Variants in PPARGC1A observed in about 807,000 individuals in gnomAD.
PPARGC1A encodes peroxisome proliferator-activated receptor gamma coactivator 1-alpha.
Under a neutral mutation model 88.7 loss-of-function variants are expected in PPARGC1A, and 25 were observed. The ratio of observed to expected loss-of-function variants is 0.28; its 90% CI spans 0.21 to 0.39. The LOEUF is 0.39. Among genes scored for constraint, PPARGC1A ranks in the 10% least tolerant of loss-of-function variants. The probability of loss-of-function intolerance (pLI) is 1.00; values close to 1 mark genes in which losing one functional copy is unlikely to be tolerated. For missense variants in PPARGC1A, 880 were observed against 968.7 expected (o/e 0.91, Z 1.22); for synonymous variants, 363 against 355.6 (o/e 1.02, Z -0.24).
At chr4:24,306,649 T>A in the PPARGC1A span, among the ~76,000 whole-genome samples, 1 of 152,242 alleles carries the variant, frequency 6.6e-6, no homozygotes, top group Non-Finnish European at 1.5e-5. Flanking sequence ...CAAATCTACA[T>A]TGTAGTACAA....
At chr4:24,181,643 G>A in the PPARGC1A span, among the ~76,000 whole-genome samples, 9 of 152,232 alleles carry the variant, frequency 5.9e-5, no homozygotes, top group African/African-American at 1.2e-4. Context: ...AGGTATGGAC[G>A]AGTGAAGTTA....
the PPARGC1A span, among the ~76,000 whole-genome samples, chr4:24,361,896 C>A: frequency 6.6e-6 from 1 of 152,190 alleles, no homozygotes; most frequent in Non-Finnish European, 1.5e-5. Flanking sequence ...CTGATTGCTT[C>A]CCTAACCTAA....
At chr4:23,820,112 TTTG>T (rs761357375) in intron 7 of PPARGC1A, among the ~76,000 whole-genome samples, 1 of 152,290 alleles carries the variant, frequency 6.6e-6, no homozygotes, top group South Asian at 2.1e-4. Context: ...TAATGAGTAT[TTTG>T]TTGTTGTTTA....
chr4:24,152,043 G>A, the PPARGC1A span, among the ~76,000 whole-genome samples: 1 of 152,334 alleles, frequency 6.6e-6, no homozygotes, highest in East Asian at 1.9e-4. Flanking sequence ...GAAGGAAAGA[G>A]TTGTTTCTCA....
intron 2 of PPARGC1A, among the ~76,000 whole-genome samples, chr4:23,867,251 G>A (rs1712224217): frequency 6.6e-6 from 1 of 152,134 alleles, no homozygotes; most frequent in Non-Finnish European, 1.5e-5. Context: ...AGTTGCCGAA[G>A]TCTGTCTTTC....
At chr4:23,899,217 C>CACCTAACATTTGT (rs1719000245) in intron 1 of PPARGC1A, 2 of 152,318 alleles carry the variant, frequency 1.3e-5, no homozygotes, top group South Asian at 2.1e-4. Context: ...AAACAGGCCA[C>CACCTAACATTTGT]ACCTAACATT....
the PPARGC1A span, among the ~76,000 whole-genome samples, chr4:24,015,973 T>C: frequency 7.9e-5 from 12 of 152,206 alleles, no homozygotes; most frequent in East Asian, 3.9e-4. Flanking sequence ...ATGAGTTCAC[T>C]GGAAGCTGAT....
At chr4:24,054,751 T>C in the PPARGC1A span, among the ~76,000 whole-genome samples, 1 of 152,252 alleles carries the variant, frequency 6.6e-6, no homozygotes, top group Non-Finnish European at 1.5e-5. Flanking sequence ...TGTCAGTACA[T>C]AATTTCTAGG....
At chr4:24,049,261 TAAATACATATATATACAC>T in the PPARGC1A span, among the ~76,000 whole-genome samples, 7 of 144,558 alleles carry the variant, frequency 4.8e-5, no homozygotes, top group African/African-American at 1.5e-4. Context: ...TATATGTATA[TAAATACATATATATACAC>T]ATATATATGT....
chr4:24,370,079 G>C, the PPARGC1A span, among the ~76,000 whole-genome samples: 2 of 152,144 alleles, frequency 1.3e-5, no homozygotes, highest in African/African-American at 2.4e-5. Flanking sequence ...CAAGCTTCAG[G>C]CTCACAGCCT....
chr4:23,864,161 C>A (rs979586848), intron 2 of PPARGC1A, among the ~76,000 whole-genome samples: 1 of 152,196 alleles, frequency 6.6e-6, no homozygotes, highest in Non-Finnish European at 1.5e-5. Context: ...AATATCAGGC[C>A]AATGCTCACA....
At chr4:24,047,036 C>A in the PPARGC1A span, among the ~76,000 whole-genome samples, 319 of 152,308 alleles carry the variant, frequency 2.1e-3, 1 homozygote, top group African/African-American at 7.3e-3. Context: ...CTCTGACTGA[C>A]AAACCATTGA....
chr4:24,258,675 C>G, the PPARGC1A span, among the ~76,000 whole-genome samples: 3 of 152,156 alleles, frequency 2.0e-5, no homozygotes, highest in Non-Finnish European at 2.9e-5. Context: ...AATAATGTTA[C>G]TACTGTTCAG....
At chr4:24,165,901 G>C in the PPARGC1A span, among the ~76,000 whole-genome samples, 3 of 152,138 alleles carry the variant, frequency 2.0e-5, no homozygotes, top group African/African-American at 7.2e-5. Context: ...GTGAAAGAAA[G>C]AGATGCACGT....
chr4:24,109,848 T>C, the PPARGC1A span, among the ~76,000 whole-genome samples: 1 of 152,118 alleles, frequency 6.6e-6, no homozygotes, highest in Non-Finnish European at 1.5e-5. Context: ...TGGTCTACCT[T>C]TGCTTCCTTA....
chr4:23,801,741 T>C lies in PPARGC1A; in HGVS notation c.2282A>G (p.Tyr761Cys), dbSNP rs1718780908. ...CGRKQFFKSN[Y>C]ADLDSNSDDF... is the part of the protein sequence containing the mutation. ...AATAAAATCCATACCTAGGTCTGCATAGTTAGACTTGAAAAATTGCTTGCG... is the reference window on the plus strand; with the variant it reads ...AATAAAATCCATACCTAGGTCTGCACAGTTAGACTTGAAAAATTGCTTGCG... The change falls in exon 12 of 13, where the codon TAT becomes TGT. Residue 761 changes from tyrosine (Y) to cysteine (C), a missense_variant. Coordinates refer to ENST00000264867, the MANE Select transcript of PPARGC1A (RefSeq NM_013261.5). 10 of 1,614,020 alleles carry C rather than the reference T, an allele frequency of 6.2e-6. No individual in the cohort carries two copies. The highest frequency in any genetic ancestry group is 8.5e-6 in the Non-Finnish European group (10 of 1,179,926).
At chr4:24,341,800 C>G in the PPARGC1A span, among the ~76,000 whole-genome samples, 1 of 152,220 alleles carries the variant, frequency 6.6e-6, no homozygotes, top group Non-Finnish European at 1.5e-5. Flanking sequence ...GGGTCCCAAT[C>G]TGTTTTGCTC....
At chr4:24,205,970 A>C in the PPARGC1A span, among the ~76,000 whole-genome samples, 1 of 152,210 alleles carries the variant, frequency 6.6e-6, no homozygotes, top group African/African-American at 2.4e-5. Flanking sequence ...CTCAGCTCTA[A>C]AAGGCAAGGC....
the PPARGC1A span, among the ~76,000 whole-genome samples, chr4:24,146,828 C>A: frequency 6.2e-3 from 948 of 152,306 alleles, 10 homozygotes; most frequent in African/African-American, 0.022. Flanking sequence ...TGAGGAAGCA[C>A]CCCTGGTGGC....
Sources: gnomAD v4.1 joint callset for allele counts (sites outside exome capture counted in the v4.1 genomes callset) on GRCh38, gnomAD v4.1.1 for gene constraint, MANE v1.5 for transcripts, NCBI Gene and HGNC (gene_info 2026-07-23, HGNC 2026-07-21) for gene names.